The following IGSF21 variants were observed in gnomAD, a reference collection of about 807,000 sequenced individuals.
IGSF21 encodes immunoglobin superfamily member 21.
In IGSF21, 28 loss-of-function variants were observed where a neutral mutation model predicts 46.8. The observed-to-expected ratio is 0.60, with a 90% CI of 0.44 to 0.82. The LOEUF is 0.82. Among genes scored for constraint, IGSF21 ranks in the 40% least tolerant of loss-of-function variants. The pLI is 0.00. For synonymous variants in IGSF21, 284 were observed against 273.6 expected, an observed-to-expected ratio of 1.04 and a Z score of -0.38; for missense variants, 624 against 665.5, an observed-to-expected ratio of 0.94 and a Z score of 0.69.
At chr1:18,368,711 C>T (rs1408366455) in intron 6 of IGSF21, among the ~76,000 whole-genome samples, 4 of 152,094 alleles carry the variant, frequency 2.6e-5, no homozygotes, top group African/African-American at 9.7e-5. Context: ...GAGCAGCCTC[C>T]ACCCTTTACC....
At position 18,362,168 on chromosome 1, in the gene IGSF21, C is replaced by T. The variant is rs144824716; in HGVS notation, c.478C>T (p.Arg160Cys). The change falls in exon 5 of 10, where the codon CGC (arginine) becomes TGC (cysteine). Residue 160 changes from arginine to cysteine, a missense_variant. Arg to Cys is a radical substitution (Grantham distance 180). Transcript: ENST00000251296. ...VAADTPAPFS[R>C]YQAQNFTLVC... is the part of the protein sequence containing the mutation. ...TGCTGACACACCAGCCCCCTTCAGC[C>T]GCTACCAAGCCCAGAACTTCACGCT... 8.7e-6 allele frequency: 14 copies of T among 1,613,272 alleles called. No homozygotes were observed. Among genetic ancestry groups the T allele is most frequent in the East Asian group, 4.5e-5 (2 of 44,870 alleles).
At chr1:18,168,325 T>C (rs912918108) in intron 1 of IGSF21, among the ~76,000 whole-genome samples, 18 of 152,190 alleles carry the variant, frequency 1.2e-4, no homozygotes, top group Non-Finnish European at 1.6e-4. Context: ...GAGGCTTTTA[T>C]GGCTGGTACT....
chr1:18,255,180 G>A (rs1005556888), intron 2 of IGSF21, among the ~76,000 whole-genome samples: 1 of 152,300 alleles, frequency 6.6e-6, no homozygotes, highest in East Asian at 1.9e-4. Flanking sequence ...TACAGAGTGA[G>A]AAACTGAGGC....
chr1:18,377,880 T>G (rs1215806509), intron 9 of IGSF21, among the ~76,000 whole-genome samples: 4 of 152,180 alleles, frequency 2.6e-5, no homozygotes, highest in Admixed American at 2.6e-4. Flanking sequence ...TGCAGGCCCT[T>G]TATACTGTCC....
chr1:18,256,864 C>G lies in IGSF21; in HGVS notation c.183+28854C>G, dbSNP rs539997630. On this transcript the variant is annotated intron_variant, in intron 2 of 9. Coordinates refer to ENST00000251296, the MANE Select transcript of IGSF21 (RefSeq NM_032880.5). ...CTTTTAGTACCAGGGACATGGAGAC[C>G]AGGTCCCCTTTCCTAAAACCCTGGC... Among the ~76,000 whole-genome samples the G allele has an allele frequency of 2.0e-3, 303 of 152,264 alleles. 1 individual carries two copies. Among genetic ancestry groups the G allele is most frequent in the African/African-American group, 7.0e-3 (292 of 41,548 alleles).
chr1:18,220,299 G>A (rs2084497053), intron 1 of IGSF21, among the ~76,000 whole-genome samples: 1 of 151,986 alleles, frequency 6.6e-6, no homozygotes, highest in South Asian at 2.1e-4. Flanking sequence ...TCTGATGCTT[G>A]GTTTCATGGG....
rs2085761430 is a variant in IGSF21, at chr1:18,335,929, C to T, written c.424+919C>T. On this transcript the variant is annotated intron_variant, in intron 4 of 9. Coordinates refer to ENST00000251296, the MANE Select transcript of IGSF21 (RefSeq NM_032880.5). The surrounding 1 kb of genome is among the most constrained non-coding windows in gnomAD (Gnocchi z 4.8). ...GAGGTGGCATTGCCAGGAAAAGCCC[C>T]TCTCTCGCAGTTACTCATGCACCAC... Among the ~76,000 whole-genome samples, 1 of 152,164 alleles carries T rather than the reference C, an allele frequency of 6.6e-6. No homozygotes were observed. Among genetic ancestry groups the T allele is most frequent in the Non-Finnish European group, 1.5e-5 (1 of 68,022 alleles).
At chr1:18,203,372 G>A (rs781070238) in intron 1 of IGSF21, among the ~76,000 whole-genome samples, 9 of 152,130 alleles carry the variant, frequency 5.9e-5, no homozygotes, top group Non-Finnish European at 1.3e-4. Flanking sequence ...GCAGTGGCGC[G>A]ATCTTGGCTC....
intron 5 of IGSF21, among the ~76,000 whole-genome samples, chr1:18,364,836 C>T (rs1233405063): frequency 6.6e-6 from 1 of 152,202 alleles, no homozygotes; most frequent in Non-Finnish European, 1.5e-5. Flanking sequence ...ATGGACCACA[C>T]CCTTGGGCCC....
At chr1:18,185,746 G>A (rs930670989) in intron 1 of IGSF21, among the ~76,000 whole-genome samples, 3 of 152,304 alleles carry the variant, frequency 2.0e-5, no homozygotes, top group African/African-American at 2.4e-5. Flanking sequence ...GATAATAATA[G>A]CACCTATGTC....
At chr1:18,256,008 C>A (rs1192733567) in intron 2 of IGSF21, among the ~76,000 whole-genome samples, 1 of 152,210 alleles carries the variant, frequency 6.6e-6, no homozygotes, top group African/African-American at 2.4e-5. Context: ...TGGAGTGCAG[C>A]TCTGTTCCAT....
chr1:18,144,002 C>T (rs774227545), intron 1 of IGSF21, among the ~76,000 whole-genome samples: 23 of 152,170 alleles, frequency 1.5e-4, no homozygotes, highest in Non-Finnish European at 2.9e-4. Flanking sequence ...ATTAAGGCTT[C>T]GTGATGGCAG....
intron 2 of IGSF21, among the ~76,000 whole-genome samples, chr1:18,247,366 G>A (rs988517260): frequency 1.4e-4 from 22 of 152,236 alleles, no homozygotes; most frequent in Admixed American, 7.2e-4. Flanking sequence ...TCCTTCATCC[G>A]CCTGGGACCT....
chr1:18,267,479 A>G (rs1455503560), intron 2 of IGSF21, among the ~76,000 whole-genome samples: 1 of 152,128 alleles, frequency 6.6e-6, no homozygotes, highest in Admixed American at 6.5e-5. Context: ...AACATCCTAG[A>G]TTTCCTCTGC....
At chr1:18,187,729 A>G (rs1477649393) in intron 1 of IGSF21, among the ~76,000 whole-genome samples, 1 of 151,870 alleles carries the variant, frequency 6.6e-6, no homozygotes, top group Non-Finnish European at 1.5e-5. Flanking sequence ...CAGAAATCCT[A>G]CCTCCAAATA....
intron 4 of IGSF21, among the ~76,000 whole-genome samples, chr1:18,344,224 A>G (rs1000518822): frequency 6.6e-6 from 1 of 152,184 alleles, no homozygotes; most frequent in Non-Finnish European, 1.5e-5. Context: ...GCTGGAGTGC[A>G]GTGGTGCAAC....
intron 1 of IGSF21, among the ~76,000 whole-genome samples, chr1:18,166,464 C>G (rs1260460591): frequency 1.3e-5 from 2 of 152,114 alleles, no homozygotes; most frequent in Non-Finnish European, 2.9e-5. Flanking sequence ...GCAAGTCACT[C>G]TATCTGAGAC....
intron 2 of IGSF21, among the ~76,000 whole-genome samples, chr1:18,287,222 A>AAAAT (rs1328484639): frequency 9.6e-5 from 14 of 145,608 alleles, no homozygotes; most frequent in East Asian, 2.0e-4. Context: ...AAAATAAATA[A>AAAAT]AAATAAAAAT....
intron 9 of IGSF21, 22 bp from the exon 10 acceptor site, chr1:18,378,234 C>T: frequency 6.2e-7 from 1 of 1,611,748 alleles, no homozygotes; most frequent in East Asian, 2.2e-5. Flanking sequence ...GGCTCTGACC[C>T]TTTCCCTGAT....
Sources: allele counts gnomAD v4.1 joint callset (sites outside exome capture counted in the v4.1 genomes callset), GRCh38; gene constraint gnomAD v4.1.1; non-coding constraint Gnocchi (gnomAD v3.1); transcripts MANE v1.5; gene names NCBI Gene and HGNC (gene_info 2026-07-23, HGNC 2026-07-21).